The following SLC22A5 variants were observed in gnomAD, a reference collection of about 807,000 sequenced individuals.
SLC22A5 encodes organic cation/carnitine transporter 2.
A neutral mutation model predicts 56.7 loss-of-function variants in SLC22A5; 44 were observed. The observed-to-expected ratio is 0.78, with a 90% confidence interval of 0.61 to 1.00. The LOEUF is 1.00. SLC22A5 is among the 50% of genes least tolerant of loss of function. SLC22A5 has a pLI of 0.00. For synonymous variants in SLC22A5, 278 were observed against 292.1 expected (o/e 0.95, Z 0.49); for missense variants, 675 against 723.0 (o/e 0.93, Z 0.76).
chr5:132,373,423 G>A (rs1014718135), intron 1 of SLC22A5, among the ~76,000 whole-genome samples: 3 of 152,100 alleles, frequency 2.0e-5, no homozygotes, highest in African/African-American at 7.2e-5. Context: ...GTCACTTGAG[G>A]TCGGGAGTTC....
At chr5:132,389,268 C>T in intron 6 of SLC22A5, 1 of 459,770 alleles carries the variant, frequency 2.2e-6, no homozygotes, top group Non-Finnish European at 4.0e-6. Flanking sequence ...TGTGGGGAAT[C>T]TCTCCAGATC....
intron 3 of SLC22A5, 107 bp from the exon 4 acceptor site, chr5:132,385,221 G>C: frequency 9.8e-7 from 1 of 1,020,448 alleles, no homozygotes; most frequent in South Asian, 1.3e-5. Flanking sequence ...AACTTAGAGA[G>C]AGTTCTCGCT....
rs185551386 is a variant in SLC22A5, at chr5:132,385,355, G to A, written c.680G>A (p.Arg227His). ...ACAGAAATTCTTGGCAAGTCAGTTC[G>A]TATAATATTCTCTACGTTAGGAGTG... ...LGTEILGKSVRIIFSTLGVCI... is the reference protein window; with the variant it reads ...LGTEILGKSVHIIFSTLGVCI... The change falls in exon 4 of 10, where the codon CGT becomes CAT. Residue 227 changes from arginine to histidine, a missense_variant. Transcript: ENST00000245407. 67 of 1,614,154 alleles carry A rather than the reference G, an allele frequency of 4.2e-5. 1 individual carries two copies. The highest frequency in any genetic ancestry group is 2.8e-4 in the Admixed American group (17 of 60,036).
chr5:132,394,594 C>A lies in SLC22A5; in HGVS notation c.*322C>A, dbSNP rs1220869401. On this transcript the variant is annotated 3_prime_UTR_variant, in exon 10 of 10. Coordinates refer to ENST00000245407, the MANE Select transcript of SLC22A5 (RefSeq NM_003060.4). The stretch of plus-strand genomic sequence containing the variant: ...TCTGGAGGAATGTGAGAAGCATATG[C>A]TAAATGTACATTTTAATTTTAGACT... 5.2e-6 allele frequency: 2 copies of A among 382,972 alleles called. No individual in the cohort carries two copies. The highest frequency in any genetic ancestry group is 9.5e-6 in the Non-Finnish European group (2 of 210,614). The allele number at this position is 382,972 out of a possible 1,614,324, so 23.7% of individuals were successfully genotyped here. A position where few individuals can be genotyped will look rare whatever the true frequency, so the allele number is the denominator to read the frequency against.
At position 132,369,871 on chromosome 5, in the gene SLC22A5, C is replaced by CTGCCTGGCT. The variant is rs2126764412; in HGVS notation, c.-94_-86dup. On this transcript the variant is annotated 5_prime_UTR_variant, in exon 1 of 10. Coordinates refer to ENST00000245407, the MANE Select transcript of SLC22A5 (RefSeq NM_003060.4). ...TCCGCGGACGGTCTTGGGTCGCCTG[C>CTGCCTGGCT]TGCCTGGCTTGCCTGGTCGGCGGCG... 6.7e-7 allele frequency: 1 copy of CTGCCTGGCT among 1,487,868 alleles called. No individual in the cohort carries two copies. The highest frequency in any genetic ancestry group is 2.4e-5 in the East Asian group (1 of 42,522). 92.2% of individuals were successfully genotyped at this position (1,487,868 alleles called of 1,614,324 possible). A position where few individuals can be genotyped will look rare whatever the true frequency, so the allele number is the denominator to read the frequency against.
In SLC22A5 at chr5:132,387,130, C is replaced by T. The variant is rs1436750038; in HGVS notation, c.930C>T (p.Ser310=). ...AAKANGIVVP[S]TIFDPSELQD... ...AAGCCAATGGGATTGTTGTGCCTTCCACTATCTTTGACCCGAGTGAGGTAA... is the reference window on the plus strand; with the variant it reads ...AAGCCAATGGGATTGTTGTGCCTTCTACTATCTTTGACCCGAGTGAGGTAA... The change falls in exon 5 of 10, where the codon TCC becomes TCT. Residue 310 remains serine (S), a synonymous_variant. Transcript: ENST00000245407. 1.1e-5 allele frequency: 18 copies of T among 1,614,168 alleles called. No homozygotes were observed. The highest frequency in any genetic ancestry group is 1.5e-5 in the Non-Finnish European group (18 of 1,180,028).
chr5:132,372,893 C>A (rs1459300581), intron 1 of SLC22A5, among the ~76,000 whole-genome samples: 1 of 152,162 alleles, frequency 6.6e-6, no homozygotes, highest in African/African-American at 2.4e-5. Flanking sequence ...CTGCCCTCTG[C>A]CCCAAATCAT....
chr5:132,384,108 T>C, intron 2 of SLC22A5, 39 bp from the exon 3 acceptor site: 1 of 1,612,414 alleles, frequency 6.2e-7, no homozygotes, highest in Non-Finnish European at 8.5e-7. Flanking sequence ...CTGCTGCCCT[T>C]TTCCAGCTGG....
intron 6 of SLC22A5, 29 bp downstream of exon 6, chr5:132,389,050 C>A: frequency 6.9e-7 from 1 of 1,455,050 alleles, no homozygotes; most frequent in South Asian, 1.1e-5. Context: ...CCTGAGGCTT[C>A]CAGACAAAGC....
intron 1 of SLC22A5, among the ~76,000 whole-genome samples, chr5:132,370,780 A>G (rs1751885295): frequency 6.6e-6 from 1 of 152,164 alleles, no homozygotes; most frequent in Non-Finnish European, 1.5e-5. Context: ...TTTAGAAGAG[A>G]AGAAATACTT....
chr5:132,375,653 CAT>C (rs2126772474), intron 1 of SLC22A5, among the ~76,000 whole-genome samples: 1 of 152,306 alleles, frequency 6.6e-6, no homozygotes, highest in Non-Finnish European at 1.5e-5. Context: ...GTGTAAATGA[CAT>C]AAAAACTGCA....
chr5:132,372,601 T>G (rs1475345217), intron 1 of SLC22A5, among the ~76,000 whole-genome samples: 1 of 152,202 alleles, frequency 6.6e-6, no homozygotes, highest in Non-Finnish European at 1.5e-5. Flanking sequence ...TTAGACTATT[T>G]ATTTAGCTGT....
intron 2 of SLC22A5, chr5:132,382,243 A>G (rs1355220852): frequency 1.3e-5 from 2 of 152,080 alleles, no homozygotes; most frequent in Non-Finnish European, 2.9e-5. Context: ...ACCTTGTGCA[A>G]TTTGCCTCCT....
chr5:132,383,077 GA>G (rs1468791600), intron 2 of SLC22A5: 5 of 152,206 alleles, frequency 3.3e-5, no homozygotes, highest in African/African-American at 1.2e-4. Context: ...TTTTTTCAGA[GA>G]AATAACCTTA....
intron 1 of SLC22A5, among the ~76,000 whole-genome samples, chr5:132,372,134 A>G (rs2126768502): frequency 6.6e-6 from 1 of 152,286 alleles, no homozygotes; most frequent in South Asian, 2.1e-4. Flanking sequence ...TGGCTTGACA[A>G]AAGAGGCACT....
At chr5:132,387,303 A>T (rs1437577932) in intron 5 of SLC22A5, 152 bp downstream of exon 5, 1 of 698,252 alleles carries the variant, frequency 1.4e-6, no homozygotes, top group Non-Finnish European at 2.3e-6. Context: ...CCCACTCCCC[A>T]CCCCCACACG....
At chr5:132,388,860 T>C in intron 5 of SLC22A5, 61 bp from the exon 6 acceptor site, 1 of 1,030,602 alleles carries the variant, frequency 9.7e-7, no homozygotes, top group South Asian at 1.3e-5. Context: ...AGTATGTTAT[T>C]GTGTGCTCTG....
At position 132,394,217 on chromosome 5, in the gene SLC22A5, G is replaced by A; in HGVS notation, c.1619G>A (p.Arg540Lys). Residue 540 changes from arginine to lysine, a missense_variant, in exon 10 of 10, where the codon AGG becomes AAG. Arg to Lys is a conservative substitution (Grantham distance 26). Coordinates refer to ENST00000245407, the MANE Select transcript of SLC22A5 (RefSeq NM_003060.4). ...MKHRKTPSHT[R>K]MLKDGQERPT... is the part of the protein sequence containing the mutation. ...CACAGAAAAACTCCAAGTCACACAA[G>A]GATGTTAAAAGATGGTCAAGAAAGG... The A allele has an allele frequency of 6.2e-7, 1 of 1,613,700 alleles. No individual in the cohort carries two copies. Among genetic ancestry groups the A allele is most frequent in the Non-Finnish European group, 8.5e-7 (1 of 1,179,532 alleles).
In SLC22A5 at chr5:132,378,400, AC is replaced by A; in HGVS notation, c.417del (p.Trp140GlyfsTer36). The stretch of plus-strand genomic sequence containing the variant: ...CAGTGGAACCTGGTGTGTGAGGACG[AC>A]TGGAAGGCCCCACTCACAATCTCCT... Reference protein sequence around the residue: ...VTEWNLVCEDDWKAPLTISLF... With the variant: ...VTEWNLVCEDXWKAPLTISLF... On this transcript the variant is annotated frameshift_variant, in exon 2 of 10. Coordinates refer to ENST00000245407, the MANE Select transcript of SLC22A5 (RefSeq NM_003060.4). LOFTEE classifies it high-confidence loss of function. 1 of 1,614,164 alleles carries A rather than the reference AC, an allele frequency of 6.2e-7. No individual in the cohort carries two copies. Among genetic ancestry groups the A allele is most frequent in the Non-Finnish European group, 8.5e-7 (1 of 1,179,988 alleles).
Sources: gnomAD v4.1 joint callset for allele counts (sites outside exome capture counted in the v4.1 genomes callset) on GRCh38, gnomAD v4.1.1 for gene constraint, MANE v1.5 for transcripts, NCBI Gene and HGNC (gene_info 2026-07-23, HGNC 2026-07-21) for gene names.